VPS35L: variants seen among roughly 807,000 people sequenced by gnomAD.
VPS35L encodes VPS35 endosomal protein sorting factor like, also known as VPS35 endosomal protein-sorting factor-like.
A neutral mutation model predicts 133.0 loss-of-function variants in VPS35L; 83 were observed. The observed-to-expected ratio is 0.62, with a 90% CI of 0.52 to 0.75. The LOEUF (loss-of-function observed/expected upper bound fraction) is 0.75, where lower values mean the gene tolerates loss of function less well. Among genes scored for constraint, VPS35L ranks in the 30% least tolerant of loss-of-function variants. The pLI is 0.00. For synonymous variants in VPS35L, 423 were observed against 449.9 expected, an observed-to-expected ratio of 0.94 and a Z score of 0.76; for missense variants, 1,083 against 1,206.8, an observed-to-expected ratio of 0.90 and a Z score of 1.52.
Position 19,615,968 on chromosome 16 carries a change from A to AAATAATAATAATAATAAT in VPS35L, c.1024-133_1024-116dup, listed in dbSNP as rs10683142. On this transcript the variant is annotated intron_variant, in intron 12 of 30. Transcript: ENST00000417362. Reference sequence around the variant, plus strand: ...GGCAACAGAGCGAGACTCCATCTCAAAATAATAATAATAATAATAATAATA... The same window carrying AAATAATAATAATAATAAT: ...GGCAACAGAGCGAGACTCCATCTCAAAATAATAATAATAATAATAATAATAATAATAATAATAATAATA... 6.1e-3 allele frequency: 1,554 copies of AAATAATAATAATAATAAT among 255,256 alleles called. 30 individuals are homozygous for AAATAATAATAATAATAAT. Among genetic ancestry groups the AAATAATAATAATAATAAT allele is most frequent in the African/African-American group, 0.035 (1,414 of 40,622 alleles). 15.8% of individuals were successfully genotyped at this position (255,256 alleles called of 1,614,324 possible).
At chr16:19,695,669 C>G (rs143445122) in intron 29 of VPS35L, among the ~76,000 whole-genome samples, 1 of 151,800 alleles carries the variant, frequency 6.6e-6, no homozygotes, top group Non-Finnish European at 1.5e-5. Context: ...TAAAAGTTAG[C>G]CAGGCATGGT....
intron 3 of VPS35L, among the ~76,000 whole-genome samples, chr16:19,570,718 A>T (rs73531912): frequency 1.3e-5 from 2 of 151,270 alleles, no homozygotes; most frequent in Admixed American, 1.3e-4. Flanking sequence ...TGGAATCCTC[A>T]TTAAAGAGGC....
chr16:19,693,405 C>G (rs900505105), intron 29 of VPS35L, among the ~76,000 whole-genome samples: 5 of 151,946 alleles, frequency 3.3e-5, no homozygotes, highest in Non-Finnish European at 7.4e-5. Context: ...TTTTGGGAGG[C>G]CCAGGTGGGA....
chr16:19,629,196 C>G (rs1216982471), intron 17 of VPS35L, among the ~76,000 whole-genome samples: 1 of 152,164 alleles, frequency 6.6e-6, no homozygotes, highest in Non-Finnish European at 1.5e-5. Flanking sequence ...CTTTGGGAGG[C>G]TGAGGCAGGA....
At chr16:19,648,682 A>G (rs1017079061) in intron 24 of VPS35L, among the ~76,000 whole-genome samples, 3 of 152,050 alleles carry the variant, frequency 2.0e-5, no homozygotes, top group African/African-American at 7.2e-5. Flanking sequence ...AGCCTGCCCA[A>G]TATGGTGAAA....
chr16:19,579,093 C>T lies in VPS35L; in HGVS notation c.475C>T (p.Arg159Trp), dbSNP rs750664367. Reference protein sequence around the residue: ...TATLAMSEKVRTRLEELDDFE... With the variant: ...TATLAMSEKVWTRLEELDDFE... ...CACATTGGCAATGTCAGAGAAGGTG[C>T]GGACCCGGCTGGAGGAGCTGGATGA... The change falls in exon 6 of 31, where the codon CGG (arginine) becomes TGG (tryptophan). Residue 159 changes from arginine to tryptophan, a missense_variant. Transcript: ENST00000417362. 1.1e-5 allele frequency: 18 copies of T among 1,613,938 alleles called. No individual in the cohort carries two copies. The highest frequency in any genetic ancestry group is 1.4e-5 in the Non-Finnish European group (16 of 1,180,004).
In VPS35L at chr16:19,696,907, A is replaced by G. The variant is rs139765416; in HGVS notation, c.2647-2595A>G. On this transcript the variant is annotated intron_variant, in intron 29 of 30. Transcript: ENST00000417362. The stretch of plus-strand genomic sequence containing the variant: ...TTTTAGTTAGCTCTGAAAGAGTTTT[A>G]TTTTAGCTTGGTCTTGTAGATTCAG... 9.2e-5 allele frequency among the ~76,000 whole-genome samples: 14 copies of G among 152,298 alleles called. No individual in the cohort carries two copies. In the East Asian group the frequency reaches 2.7e-3, roughly 29 times the overall value.
intron 24 of VPS35L, among the ~76,000 whole-genome samples, chr16:19,649,243 G>A (rs529089148): frequency 2.0e-4 from 30 of 152,118 alleles, no homozygotes; most frequent in African/African-American, 6.0e-4. Context: ...CACCTGCCTC[G>A]GCGTCCCAAA....
At chr16:19,692,916 T>C (rs901792014) in intron 29 of VPS35L, among the ~76,000 whole-genome samples, 3 of 152,144 alleles carry the variant, frequency 2.0e-5, no homozygotes, top group African/African-American at 7.2e-5. Context: ...GAGAGTAGGA[T>C]TTTTTCTGGC....
At chr16:19,671,058 C>T (rs1974856700) in intron 27 of VPS35L, among the ~76,000 whole-genome samples, 1 of 152,140 alleles carries the variant, frequency 6.6e-6, no homozygotes. Flanking sequence ...TTAATGCATT[C>T]ACAAAGAAGC....
intron 23 of VPS35L, among the ~76,000 whole-genome samples, chr16:19,645,355 T>C (rs1973909277): frequency 6.6e-6 from 1 of 150,430 alleles, no homozygotes; most frequent in Non-Finnish European, 1.5e-5. Context: ...AGTGGCGCGA[T>C]CTCAGCTCAC....
intron 1 of VPS35L, 129 bp from the exon 2 acceptor site, chr16:19,564,722 T>C (rs553968449): frequency 3.0e-6 from 2 of 664,678 alleles, no homozygotes; most frequent in Middle Eastern, 2.6e-4. Flanking sequence ...TTAAATGTAG[T>C]TTCTTTTTAA....
chr16:19,573,341 T>C, intron 4 of VPS35L, 100 bp downstream of exon 4: 4 of 1,296,246 alleles, frequency 3.1e-6, no homozygotes, highest in Non-Finnish European at 3.2e-6. Context: ...GTTTCACTTA[T>C]TTATTTATTT....
At chr16:19,564,772 A>G in intron 1 of VPS35L, 79 bp from the exon 2 acceptor site, 2 of 944,868 alleles carry the variant, frequency 2.1e-6, no homozygotes, top group Non-Finnish European at 3.4e-6. Flanking sequence ...CTACCTTGTC[A>G]TTGAAGAAGT....
At chr16:19,691,092 G>A (rs1374464366) in intron 28 of VPS35L, among the ~76,000 whole-genome samples, 2 of 152,172 alleles carry the variant, frequency 1.3e-5, no homozygotes, top group African/African-American at 2.4e-5. Flanking sequence ...TATTATTAAT[G>A]TCACCCCCGC....
chr16:19,573,207 TTGCCCGG>T lies in VPS35L; in HGVS notation c.376_382del (p.Ala126ThrfsTer50), dbSNP rs751355959. ...TGGACCAACAAACGGGGAGAAATCC[TTGCCCGG>T]TACACCACTACCGAAAAGCTGTCTA... On this transcript the variant is annotated frameshift_variant, in exon 4 of 31. Transcript: ENST00000417362. LOFTEE classifies it high-confidence loss of function. The T allele has an allele frequency of 6.2e-7, 1 of 1,614,028 alleles. No individual in the cohort carries two copies. The highest frequency in any genetic ancestry group is 1.7e-5 in the Admixed American group (1 of 60,006).
intron 3 of VPS35L, among the ~76,000 whole-genome samples, chr16:19,570,885 A>ATTTTT (rs1971359397): frequency 1.3e-5 from 1 of 77,186 alleles, no homozygotes; most frequent in African/African-American, 6.1e-5. Context: ...ATATATATAT[A>ATTTTT]TATATTTTTG....
chr16:19,599,936 G>A (rs1200778206), intron 8 of VPS35L, among the ~76,000 whole-genome samples: 1 of 152,184 alleles, frequency 6.6e-6, no homozygotes, highest in Non-Finnish European at 1.5e-5. Context: ...AGCTACATAG[G>A]AGGCTGAGGT....
Position 19,700,682 on chromosome 16 carries a change from A to G in VPS35L, c.*206A>G. 1 of 551,878 alleles carries G rather than the reference A, an allele frequency of 1.8e-6. No individual in the cohort carries two copies. Among genetic ancestry groups the G allele is most frequent in the Non-Finnish European group, 3.2e-6 (1 of 310,550 alleles). 34.2% of individuals were successfully genotyped at this position (551,878 alleles called of 1,614,324 possible). A position where few individuals can be genotyped will look rare whatever the true frequency, so the allele number is the denominator to read the frequency against. Reference sequence around the variant, plus strand: ...GTCAGAGCATTAAAATGCAATCTTCACTAAGAAGCAGTCTCTGTGTTGTCT... The same window carrying G: ...GTCAGAGCATTAAAATGCAATCTTCGCTAAGAAGCAGTCTCTGTGTTGTCT... On this transcript the variant is annotated 3_prime_UTR_variant, in exon 31 of 31. Coordinates refer to ENST00000417362, the MANE Select transcript of VPS35L (RefSeq NM_020314.7).
Sources: gnomAD v4.1 joint callset for allele counts (sites outside exome capture counted in the v4.1 genomes callset) on GRCh38, gnomAD v4.1.1 for gene constraint, MANE v1.5 for transcripts, NCBI Gene and HGNC (gene_info 2026-07-23, HGNC 2026-07-21) for gene names.